The following DMD variants were observed in gnomAD, a reference collection of about 807,000 sequenced individuals.
The protein encoded by DMD is dystrophin.
DMD carries 63 observed loss-of-function variants against 330.1 expected under a neutral mutation model. The ratio of observed to expected loss-of-function variants is 0.19; its 90% CI spans 0.16 to 0.24. DMD has a LOEUF of 0.24. Among genes scored for constraint, DMD ranks in the 10% least tolerant of loss-of-function variants. DMD has a pLI of 1.00. For synonymous variants in DMD, 1,223 were observed against 959.8 expected, an observed-to-expected ratio of 1.27 and a Z score of -5.07; for missense variants, 3,344 against 2,684.1, an observed-to-expected ratio of 1.25 and a Z score of -5.43.
At chrX:32,701,163 A>G (rs929813893) in intron 7 of DMD, among the ~76,000 whole-genome samples, 2 of 111,962 alleles carry the variant, frequency 1.8e-5, no homozygotes, top group Non-Finnish European at 3.8e-5. Context: ...TAGTCTCCCA[A>G]GTGATGCTGA....
intron 7 of DMD, among the ~76,000 whole-genome samples, chrX:32,768,737 C>A (rs1363538541): frequency 8.9e-6 from 1 of 111,856 alleles, no homozygotes; most frequent in Non-Finnish European, 1.9e-5. Context: ...TAATTAAGCT[C>A]CCCATTGAGA....
At chrX:32,611,006 G>T (rs753614036) in intron 12 of DMD, among the ~76,000 whole-genome samples, 1 of 111,136 alleles carries the variant, frequency 9.0e-6, no homozygotes, top group East Asian at 2.8e-4. Context: ...ACAAAACAGT[G>T]TTCCTTTAAT....
At chrX:32,987,865 G>A (rs1225237878) in intron 2 of DMD, among the ~76,000 whole-genome samples, 1 of 109,030 alleles carries the variant, frequency 9.2e-6, no homozygotes, top group Non-Finnish European at 1.9e-5. Context: ...TATCCTCCCT[G>A]AGTGAGTAAT....
At chrX:32,592,796 C>G (rs2055072479) in intron 13 of DMD, among the ~76,000 whole-genome samples, 1 of 112,245 alleles carries the variant, frequency 8.9e-6, no homozygotes, top group African/African-American at 3.2e-5. Flanking sequence ...CATGCTGTAA[C>G]ATGCTCCTTG....
chrX:32,897,095 G>T (rs767349077), intron 2 of DMD, among the ~76,000 whole-genome samples: 117 of 109,378 alleles, frequency 1.1e-3, no homozygotes, highest in Admixed American at 8.2e-3. Context: ...CATTTTATGC[G>T]TTTTTTTTAT....
At chrX:32,699,075 A>T (rs2063883310) in intron 8 of DMD, 37 bp downstream of exon 8, 1 of 1,160,529 alleles carries the variant, frequency 8.6e-7, no homozygotes, top group African/African-American at 1.8e-5. Flanking sequence ...TAAAACAGAA[A>T]ACATCTTGAA....
At chrX:32,793,490 G>C (rs2075968739) in intron 7 of DMD, among the ~76,000 whole-genome samples, 1 of 109,638 alleles carries the variant, frequency 9.1e-6, no homozygotes, top group African/African-American at 3.3e-5. Flanking sequence ...TCAATGAAAT[G>C]AGAAGTTTGA....
At chrX:32,575,284 G>A (rs2052908890) in intron 13 of DMD, among the ~76,000 whole-genome samples, 1 of 111,142 alleles carries the variant, frequency 9.0e-6, no homozygotes, top group South Asian at 3.7e-4. Flanking sequence ...TACACGCATG[G>A]GTAAACAGAA....
chrX:31,629,589 G>A (rs1436116747), intron 54 of DMD, among the ~76,000 whole-genome samples: 2 of 111,826 alleles, frequency 1.8e-5, no homozygotes, highest in Non-Finnish European at 3.8e-5. Context: ...TGTAGTTCAA[G>A]GGCTAACGTG....
At chrX:31,209,462 G>C in intron 65 of DMD, 36 bp downstream of exon 65, 2 of 1,185,800 alleles carry the variant, frequency 1.7e-6, no homozygotes, top group Non-Finnish European at 2.3e-6. Context: ...AGCCTCCTGT[G>C]ACAGAGCCCG....
intron 7 of DMD, among the ~76,000 whole-genome samples, chrX:32,787,276 G>GAA (rs113944655): frequency 1.4e-3 from 148 of 108,045 alleles, no homozygotes; most frequent in African/African-American, 5.0e-3. Context: ...GAGAGAGAAA[G>GAA]AGAGAGAGAA....
intron 1 of DMD, among the ~76,000 whole-genome samples, chrX:33,026,895 T>C (rs1219943617): frequency 8.9e-6 from 1 of 112,229 alleles, no homozygotes; most frequent in Admixed American, 9.4e-5. Flanking sequence ...ATCAGAGCTG[T>C]AATCCCAGCA....
At chrX:33,086,807 T>C (rs2095013567) in intron 1 of DMD, among the ~76,000 whole-genome samples, 1 of 108,299 alleles carries the variant, frequency 9.2e-6, no homozygotes. Context: ...TATATATGTA[T>C]ATAATATATA....
At chrX:31,483,222 A>T (rs2068497560) in intron 57 of DMD, among the ~76,000 whole-genome samples, 1 of 107,143 alleles carries the variant, frequency 9.3e-6, no homozygotes, top group Non-Finnish European at 1.9e-5. Flanking sequence ...AATTTTTTGT[A>T]TTTTTAGTAG....
chrX:33,129,324 G>GTTTTTTTTTTT (rs2095483564), intron 1 of DMD, among the ~76,000 whole-genome samples: 1 of 10,454 alleles, frequency 9.6e-5, no homozygotes, highest in Non-Finnish European at 2.1e-4. Context: ...GTTAAGGTTT[G>GTTTTTTTTTTT]CTTTTTTTTT....
At chrX:31,985,950 T>C (rs935216955) in intron 44 of DMD, among the ~76,000 whole-genome samples, 1 of 111,936 alleles carries the variant, frequency 8.9e-6, no homozygotes, top group Admixed American at 9.5e-5. Context: ...AATTAACTAC[T>C]TATCCAGATG....
At chrX:32,183,942 T>G (rs749111253) in intron 44 of DMD, among the ~76,000 whole-genome samples, 68 of 110,755 alleles carry the variant, frequency 6.1e-4, no homozygotes, top group Middle Eastern at 4.7e-3. Flanking sequence ...CCAAACATTC[T>G]TGCTTCTGTA....
chrX:33,109,304 C>A (rs1389721677), intron 1 of DMD, among the ~76,000 whole-genome samples: 1 of 111,668 alleles, frequency 9.0e-6, no homozygotes, highest in African/African-American at 3.3e-5. Context: ...AAGATGTGAA[C>A]CTTCTTGCTC....
rs1192286078 is a variant in DMD at position 31,530,647 on chromosome X, CTTTTTTTTTTT to C, written c.8218-23205_8218-23195del. 9.1e-3 allele frequency among the ~76,000 whole-genome samples: 455 copies of C among 49,837 alleles called. 6 individuals are homozygous for C. The highest frequency in any genetic ancestry group is 0.033 in the African/African-American group (426 of 12,893). The allele number at this position is 49,837 out of a possible 115,157, so 43.3% of individuals were successfully genotyped here. A position where few individuals can be genotyped will look rare whatever the true frequency, so the allele number is the denominator to read the frequency against. On this transcript the variant is annotated intron_variant, in intron 55 of 78. Coordinates refer to ENST00000357033, the MANE Select transcript of DMD (RefSeq NM_004006.3). ...CCTAGATAATAGAGCACTGGTTTCT[CTTTTTTTTTTT>C]TTTTTTTTTTTAATTTTTTTTTTTT... is the stretch of plus-strand genomic sequence containing the variant.
Sources: allele counts gnomAD v4.1 joint callset (sites outside exome capture counted in the v4.1 genomes callset), GRCh38; gene constraint gnomAD v4.1.1; transcripts MANE v1.5; gene names NCBI Gene and HGNC (gene_info 2026-07-23, HGNC 2026-07-21).